Variants in PIBF1 observed in about 807,000 individuals in gnomAD.
PIBF1 encodes progesterone immunomodulatory binding factor 1.
A neutral mutation model predicts 112.5 loss-of-function variants in PIBF1; 90 were observed. The ratio of observed to expected loss-of-function variants is 0.80; its 90% CI spans 0.67 to 0.95. The LOEUF is 0.95. PIBF1 is among the 40% of genes least tolerant of loss of function. The probability of loss-of-function intolerance (pLI) is 0.00; values close to 1 mark genes in which losing one functional copy is unlikely to be tolerated. For synonymous variants in PIBF1, 301 were observed against 288.6 expected (o/e 1.04, Z -0.44); for missense variants, 915 against 852.3 (o/e 1.07, Z -0.92).
Position 72,925,992 on chromosome 13 carries a change from T to C in PIBF1, c.1731-5173T>C, listed in dbSNP as rs2041472031. Among the ~76,000 whole-genome samples the C allele has an allele frequency of 3.9e-5, 6 of 152,188 alleles. No individual in the cohort carries two copies. In the South Asian group the frequency reaches 1.2e-3, roughly 32 times the overall value. ...TATGCTTTTGCTGCCCTGAGAATCT[T>C]TTGCTAAATCTAATTTTGTGAGGAT... is the stretch of plus-strand genomic sequence containing the variant. On this transcript the variant is annotated intron_variant, in intron 13 of 17. Coordinates refer to ENST00000326291, the MANE Select transcript of PIBF1 (RefSeq NM_006346.4).
At chr13:72,868,313 G>T in intron 10 of PIBF1, among the ~76,000 whole-genome samples, 1 of 125,008 alleles carries the variant, frequency 8.0e-6, no homozygotes, top group African/African-American at 3.0e-5. Context: ...TATTAAAAAA[G>T]AAAAAAAAAA....
intron 11 of PIBF1, among the ~76,000 whole-genome samples, chr13:72,902,531 C>A (rs984093862): frequency 1.6e-4 from 25 of 151,558 alleles, no homozygotes; most frequent in African/African-American, 5.6e-4. Context: ...ATTAAGTAAA[C>A]CCCCAAAATA....
intron 9 of PIBF1, among the ~76,000 whole-genome samples, chr13:72,846,056 C>T (rs2037862679): frequency 6.6e-6 from 1 of 152,078 alleles, no homozygotes; most frequent in East Asian, 1.9e-4. Context: ...TTAGCTGCAC[C>T]TACTCATTCT....
chr13:72,925,081 G>A (rs1333776971), intron 13 of PIBF1, among the ~76,000 whole-genome samples: 1 of 152,170 alleles, frequency 6.6e-6, no homozygotes, highest in Non-Finnish European at 1.5e-5. Flanking sequence ...TAGTTCCAGT[G>A]AGATTATAGA....
chr13:72,947,955 A>G (rs1302849892), intron 14 of PIBF1, among the ~76,000 whole-genome samples: 1 of 152,170 alleles, frequency 6.6e-6, no homozygotes, highest in Non-Finnish European at 1.5e-5. Context: ...GGAAACCATC[A>G]TTCTCAGCAA....
At chr13:72,981,209 G>A (rs2043148303) in intron 16 of PIBF1, among the ~76,000 whole-genome samples, 2 of 150,658 alleles carry the variant, frequency 1.3e-5, no homozygotes, top group South Asian at 4.2e-4. Flanking sequence ...CTGAGATCAT[G>A]CCACTGCACT....
chr13:72,888,344 CATTT>C (rs1412993344), intron 10 of PIBF1, among the ~76,000 whole-genome samples: 4 of 152,030 alleles, frequency 2.6e-5, no homozygotes, highest in Admixed American at 6.6e-5. Context: ...GCATAGCAAA[CATTT>C]ATAGAGAATA....
intron 5 of PIBF1, among the ~76,000 whole-genome samples, chr13:72,806,545 C>A (rs74618210): frequency 6.6e-6 from 1 of 152,046 alleles, no homozygotes; most frequent in East Asian, 1.9e-4. Context: ...CCTGATAGGC[C>A]CCAGTGTGTG....
At position 72,812,100 on chromosome 13, in the gene PIBF1, G is replaced by A. The variant is rs528664984; in HGVS notation, c.673-9749G>A. On this transcript the variant is annotated intron_variant, in intron 5 of 17. Coordinates refer to ENST00000326291, the MANE Select transcript of PIBF1 (RefSeq NM_006346.4). ...GAAATTTTGAACCCAGTGGCCAAAA[G>A]GATGTATCACTACATGATGGCACGG... 2.6e-5 allele frequency among the ~76,000 whole-genome samples: 4 copies of A among 152,196 alleles called. No homozygotes were observed. In the East Asian group the frequency reaches 7.8e-4, roughly 30 times the overall value.
intron 8 of PIBF1, among the ~76,000 whole-genome samples, chr13:72,831,973 C>T (rs1293334203): frequency 3.3e-5 from 5 of 151,610 alleles, no homozygotes; most frequent in South Asian, 2.1e-4. Context: ...CTCTTCCTGC[C>T]GCATTGATCC....
chr13:72,828,278 T>TC (rs2036919157), intron 8 of PIBF1, among the ~76,000 whole-genome samples: 1 of 151,076 alleles, frequency 6.6e-6, no homozygotes, highest in Admixed American at 6.6e-5. Flanking sequence ...TTTTTTTTTT[T>TC]TTTTTTTATA....
chr13:72,942,110 C>G (rs562819702), intron 14 of PIBF1, among the ~76,000 whole-genome samples: 1 of 152,214 alleles, frequency 6.6e-6, no homozygotes, highest in Admixed American at 6.5e-5. Flanking sequence ...CCCCAGTGAG[C>G]TCAGTCTCTT....
chr13:72,946,797 T>C (rs916505674), intron 14 of PIBF1, among the ~76,000 whole-genome samples: 35 of 152,194 alleles, frequency 2.3e-4, no homozygotes, highest in African/African-American at 8.0e-4. Context: ...CCAGGTCACA[T>C]TGATGCAAGA....
intron 5 of PIBF1, among the ~76,000 whole-genome samples, chr13:72,811,053 G>A (rs1014114335): frequency 6.6e-6 from 1 of 151,938 alleles, no homozygotes; most frequent in African/African-American, 2.4e-5. Flanking sequence ...GTAGAGACAG[G>A]GTTTCACTGT....
intron 14 of PIBF1, among the ~76,000 whole-genome samples, chr13:72,938,667 A>G (rs1046850777): frequency 6.6e-6 from 1 of 152,142 alleles, no homozygotes; most frequent in African/African-American, 2.4e-5. Context: ...TTTTGTTTGA[A>G]CACCTGTTTT....
intron 10 of PIBF1, among the ~76,000 whole-genome samples, chr13:72,878,758 T>C (rs112570769): frequency 6.6e-6 from 1 of 152,188 alleles, no homozygotes; most frequent in African/African-American, 2.4e-5. Context: ...TTCATGTATT[T>C]CTTCTTGCAG....
chr13:72,968,271 TTTGTTG>T (rs74223523), intron 15 of PIBF1, among the ~76,000 whole-genome samples: 132 of 150,960 alleles, frequency 8.7e-4, no homozygotes, highest in African/African-American at 3.1e-3. Context: ...GTTTTGGGGT[TTTGTTG>T]TTGTTGTTGT....
intron 16 of PIBF1, chr13:72,974,053 T>C (rs550681851): frequency 4.3e-6 from 1 of 235,288 alleles, no homozygotes; most frequent in African/African-American, 2.2e-5. Context: ...TAAAATTATT[T>C]TCTTTTCTTC....
At chr13:73,008,050 C>T (rs2139051644) in intron 17 of PIBF1, among the ~76,000 whole-genome samples, 1 of 152,236 alleles carries the variant, frequency 6.6e-6, no homozygotes, top group East Asian at 1.9e-4. Flanking sequence ...GTATTATCTA[C>T]TTGGAATCTG....
Sources: allele counts gnomAD v4.1 joint callset (sites outside exome capture counted in the v4.1 genomes callset), GRCh38; gene constraint gnomAD v4.1.1; transcripts MANE v1.5; gene names NCBI Gene and HGNC (gene_info 2026-07-23, HGNC 2026-07-21).